Variants in RASSF5 observed in about 807,000 individuals in gnomAD.
The protein encoded by RASSF5 is ras association domain-containing protein 5.
RASSF5 carries 25 observed loss-of-function variants against 40.5 expected under a neutral mutation model. The ratio of observed to expected loss-of-function variants is 0.62; its 90% CI spans 0.45 to 0.86. RASSF5 has a LOEUF of 0.86. RASSF5 is among the 40% of genes least tolerant of loss of function. The probability of loss-of-function intolerance (pLI) is 0.00; values close to 1 mark genes in which losing one functional copy is unlikely to be tolerated. For synonymous variants in RASSF5, 246 were observed against 252.4 expected, an observed-to-expected ratio of 0.97 and a Z score of 0.24; for missense variants, 521 against 572.8, an observed-to-expected ratio of 0.91 and a Z score of 0.92.
intron 2 of RASSF5, chr1:206,572,656 A>G (rs1241847858): frequency 6.6e-6 from 1 of 152,288 alleles, no homozygotes; most frequent in Non-Finnish European, 1.5e-5. Flanking sequence ...GCATCGTGCC[A>G]CAGGCACACA....
intron 2 of RASSF5, among the ~76,000 whole-genome samples, chr1:206,567,143 T>C (rs1294385448): frequency 6.6e-6 from 1 of 152,294 alleles, no homozygotes; most frequent in South Asian, 2.1e-4. Flanking sequence ...CCAGCTGTGA[T>C]TGTTCAGCTG....
chr1:206,521,154 T>A (rs1297095064), intron 1 of RASSF5, among the ~76,000 whole-genome samples: 1 of 152,192 alleles, frequency 6.6e-6, no homozygotes, highest in East Asian at 1.9e-4. Context: ...GCAAGTCATA[T>A]GTCATTTTAA....
intron 1 of RASSF5, among the ~76,000 whole-genome samples, chr1:206,527,924 A>G (rs1434399487): frequency 6.6e-6 from 1 of 152,202 alleles, no homozygotes; most frequent in Non-Finnish European, 1.5e-5. Flanking sequence ...GCTGCTCGCC[A>G]GCTACAAGGC....
intron 2 of RASSF5, among the ~76,000 whole-genome samples, chr1:206,568,324 C>A (rs77556007): frequency 6.6e-6 from 1 of 152,182 alleles, no homozygotes; most frequent in Non-Finnish European, 1.5e-5. Flanking sequence ...TAACAGGGCA[C>A]GCAGCATGTG....
chr1:206,521,435 AC>A (rs1179815532), intron 1 of RASSF5, among the ~76,000 whole-genome samples: 7 of 152,074 alleles, frequency 4.6e-5, no homozygotes, highest in Non-Finnish European at 1.0e-4. Context: ...GATAGACTGA[AC>A]CTGCCTGCTC....
chr1:206,527,852 C>T (rs782817146), intron 1 of RASSF5, among the ~76,000 whole-genome samples: 17 of 152,092 alleles, frequency 1.1e-4, no homozygotes, highest in Admixed American at 2.6e-4. Flanking sequence ...GTGGAGGGGA[C>T]GGTTCTGAGG....
chr1:206,547,282 T>C (rs1239001286), intron 2 of RASSF5, among the ~76,000 whole-genome samples: 1 of 152,186 alleles, frequency 6.6e-6, no homozygotes, highest in Non-Finnish European at 1.5e-5. Context: ...GGAATCAGGT[T>C]GCATAGCAGG....
chr1:206,557,700 A>ATG, intron 2 of RASSF5: 1 of 1,613,930 alleles, frequency 6.2e-7, no homozygotes, highest in Admixed American at 1.7e-5. Flanking sequence ...AAAGGTAAAC[A>ATG]TAATAATGGA....
At chr1:206,550,474 C>T (rs782480493) in intron 2 of RASSF5, among the ~76,000 whole-genome samples, 11 of 152,104 alleles carry the variant, frequency 7.2e-5, no homozygotes, top group South Asian at 2.1e-4. Flanking sequence ...TCATTTTATT[C>T]GATTTTGAAC....
intron 1 of RASSF5, among the ~76,000 whole-genome samples, chr1:206,510,419 T>C (rs547321230): frequency 5.3e-5 from 8 of 152,310 alleles, no homozygotes; most frequent in South Asian, 2.1e-4. Flanking sequence ...CTTCATCATG[T>C]TAATCTGAGA....
intron 2 of RASSF5, among the ~76,000 whole-genome samples, chr1:206,559,751 C>G (rs1333685839): frequency 6.6e-6 from 1 of 152,184 alleles, no homozygotes; most frequent in African/African-American, 2.4e-5. Context: ...CACGGCCCCT[C>G]TTATCCTTAC....
intron 2 of RASSF5, 31 bp downstream of exon 2, chr1:206,538,324 G>A (rs1553398948): frequency 1.2e-6 from 2 of 1,611,014 alleles, no homozygotes; most frequent in Non-Finnish European, 1.7e-6. Flanking sequence ...ACCAAGCTGG[G>A]AACAGCCTCT....
chr1:206,511,865 G>C (rs1212889266), intron 1 of RASSF5, among the ~76,000 whole-genome samples: 1 of 152,094 alleles, frequency 6.6e-6, no homozygotes, highest in Non-Finnish European at 1.5e-5. Context: ...GACAGCCCCC[G>C]ATCCTGCAGA....
At chr1:206,528,716 A>G (rs1667159808) in intron 1 of RASSF5, among the ~76,000 whole-genome samples, 2 of 152,136 alleles carry the variant, frequency 1.3e-5, no homozygotes, top group African/African-American at 4.8e-5. Flanking sequence ...CTGTGAACCG[A>G]CATTGTTCCA....
chr1:206,553,896 C>T (rs1667914487), intron 2 of RASSF5, among the ~76,000 whole-genome samples: 1 of 152,148 alleles, frequency 6.6e-6, no homozygotes. Context: ...TGGAGTCAGA[C>T]CCAGCGGAAT....
At chr1:206,524,093 A>T (rs1299078187) in intron 1 of RASSF5, among the ~76,000 whole-genome samples, 1 of 128,766 alleles carries the variant, frequency 7.8e-6, no homozygotes, top group South Asian at 2.3e-4. Flanking sequence ...TATAATATGT[A>T]TACCATATAT....
At chr1:206,582,670 AT>A (rs1668940993) in intron 2 of RASSF5, among the ~76,000 whole-genome samples, 1 of 152,142 alleles carries the variant, frequency 6.6e-6, no homozygotes, top group Non-Finnish European at 1.5e-5. Flanking sequence ...ACAAATAGAT[AT>A]TTACTTCTTG....
chr1:206,523,745 T>A (rs1666995472), intron 1 of RASSF5, among the ~76,000 whole-genome samples: 1 of 97,330 alleles, frequency 1.0e-5, no homozygotes, highest in African/African-American at 4.3e-5. Flanking sequence ...TATAATATAT[T>A]TTATATAATA....
In RASSF5 at chr1:206,584,099, C is replaced by A. The variant is rs7524447; in HGVS notation, c.691-288C>A. 0.016 allele frequency among the ~76,000 whole-genome samples: 2,374 copies of A among 152,306 alleles called. 65 individuals carry two copies. The highest frequency in any genetic ancestry group is 0.055 in the African/African-American group (2,271 of 41,542). ...CCCTGCCTCTTACAATGGGCACTCACCAAAGGCAACTGGTTACAGGAGGTT... is the reference window on the plus strand; with the variant it reads ...CCCTGCCTCTTACAATGGGCACTCAACAAAGGCAACTGGTTACAGGAGGTT... On this transcript the variant is annotated intron_variant, in intron 3 of 5. Transcript: ENST00000579436. This position sits in a 1 kb window ranked among gnomAD's most constrained non-coding sequence, Gnocchi z 4.9.
Sources: gnomAD v4.1 joint callset for allele counts (sites outside exome capture counted in the v4.1 genomes callset) on GRCh38, gnomAD v4.1.1 for gene constraint, Gnocchi (gnomAD v3.1) non-coding constraint, MANE v1.5 for transcripts, NCBI Gene and HGNC (gene_info 2026-07-23, HGNC 2026-07-21) for gene names.